POLR1E: variants seen among roughly 807,000 people sequenced by gnomAD.
POLR1E encodes the protein DNA-directed RNA polymerase I subunit RPA49.
A neutral mutation model predicts 50.9 loss-of-function variants in POLR1E; 37 were observed. The observed-to-expected ratio is 0.73, with a 90% confidence interval of 0.56 to 0.96. The LOEUF is 0.96. Ranked by LOEUF, POLR1E falls within the 40% of genes least tolerant of loss-of-function variation. The pLI is 0.00. For synonymous variants in POLR1E, 166 were observed against 191.6 expected, an observed-to-expected ratio of 0.87 and a Z score of 1.10; for missense variants, 426 against 518.1, an observed-to-expected ratio of 0.82 and a Z score of 1.73.
chr9:37,491,876 C>T (rs1820691408), intron 4 of POLR1E, among the ~76,000 whole-genome samples: 2 of 152,184 alleles, frequency 1.3e-5, no homozygotes, highest in African/African-American at 4.8e-5. Flanking sequence ...CATCTTCCAA[C>T]TGTTCTTGTA....
intron 3 of POLR1E, among the ~76,000 whole-genome samples, chr9:37,489,054 C>T (rs950545295): frequency 1.8e-4 from 27 of 152,046 alleles, no homozygotes; most frequent in African/African-American, 6.3e-4. Flanking sequence ...GCCTGGACAA[C>T]ATGGTGAAAC....
rs1469519448 is a variant in POLR1E at position 37,485,959 on chromosome 9, C to A, written c.-89C>A. The A allele has an allele frequency of 1.7e-5, 25 of 1,508,204 alleles. No individual in the cohort carries two copies. The highest frequency in any genetic ancestry group is 2.3e-5 in the Non-Finnish European group (25 of 1,110,334). The allele number at this position is 1,508,204 out of a possible 1,614,324, so 93.4% of individuals were successfully genotyped here. On this transcript the variant is annotated 5_prime_UTR_variant, in exon 1 of 12. Transcript: ENST00000377798. ...CGGCGGGGCCACGCCTTTTCCGGCC[C>A]GCAGCGCGGCCTGGGCTCCCGCGTG...
At position 37,503,106 on chromosome 9, in the gene POLR1E, C is replaced by T. The variant is rs748335917; in HGVS notation, c.1164C>T (p.Ala388=). 1.2e-5 allele frequency: 20 copies of T among 1,613,904 alleles called. No homozygotes were observed. Among genetic ancestry groups the T allele is most frequent in the Admixed American group, 1.2e-4 (7 of 59,998 alleles). ...CCAAAAGAAGGGTGTCTGTGGCCGCCGGCAGTGAAGAAGATCACAAGCTGG... is the reference window on the plus strand; with the variant it reads ...CCAAAAGAAGGGTGTCTGTGGCCGCTGGCAGTGAAGAAGATCACAAGCTGG... ...KISKRRVSVA[A]GSEEDHKLGT... is the part of the protein sequence containing the mutation. Residue 388 remains alanine (A), a synonymous_variant, in exon 12 of 12, where the codon GCC becomes GCT. Coordinates refer to ENST00000377798, the MANE Select transcript of POLR1E (RefSeq NM_022490.4).
intron 2 of POLR1E, among the ~76,000 whole-genome samples, chr9:37,487,503 T>C (rs1315223143): frequency 6.6e-6 from 1 of 152,056 alleles, no homozygotes; most frequent in Non-Finnish European, 1.5e-5. Flanking sequence ...GTCCTGAGAG[T>C]ATACAAAGAA....
At position 37,495,900 on chromosome 9, in the gene POLR1E, T is replaced by C. The variant is rs1256800765; in HGVS notation, c.666T>C (p.Pro222=). The C allele has an allele frequency of 6.2e-7, 1 of 1,612,576 alleles. No individual in the cohort carries two copies. Among genetic ancestry groups the C allele is most frequent in the African/African-American group, 1.3e-5 (1 of 74,868 alleles). The part of the protein sequence containing the change: ...DVYKFEDLLS[P]AEYEALQSPS... ...TTGACCTGTAACTAGTTCTTTCCCCTGCGGAGTATGAAGCTCTTCAGAGCC... is the reference window on the plus strand; with the variant it reads ...TTGACCTGTAACTAGTTCTTTCCCCCGCGGAGTATGAAGCTCTTCAGAGCC... Residue 222 remains proline, a synonymous_variant, in exon 8 of 12, where the codon CCT becomes CCC. Coordinates refer to ENST00000377798, the MANE Select transcript of POLR1E (RefSeq NM_022490.4).
intron 9 of POLR1E, among the ~76,000 whole-genome samples, chr9:37,499,904 G>A (rs950223150): frequency 4.0e-5 from 6 of 150,598 alleles, no homozygotes; most frequent in Non-Finnish European, 7.4e-5. Flanking sequence ...AGGCTGGAGT[G>A]CAGTGGCTCG....
rs1379338809 is a variant in POLR1E, at chr9:37,486,092, G to A, written c.45G>A (p.Gly15=). Residue 15 remains glycine (G), a synonymous_variant, in exon 1 of 12, where the codon GGG becomes GGA. Coordinates refer to ENST00000377798, the MANE Select transcript of POLR1E (RefSeq NM_022490.4). ...VLPSARWQYC[G]APDGSQRAVL... is the part of the protein sequence containing the mutation. ...CGAGTGCGAGGTGGCAGTATTGTGG[G>A]GCGCCCGACGGGAGCCAGAGAGCTG... is the stretch of plus-strand genomic sequence containing the variant. The A allele has an allele frequency of 1.2e-6, 2 of 1,602,434 alleles. No homozygotes were observed. Among genetic ancestry groups the A allele is most frequent in the African/African-American group, 1.3e-5 (1 of 75,008 alleles).
At chr9:37,497,900 C>G (rs551371400) in intron 8 of POLR1E, among the ~76,000 whole-genome samples, 191 bp from the exon 9 acceptor site, 3 of 152,170 alleles carry the variant, frequency 2.0e-5, no homozygotes, top group Non-Finnish European at 4.4e-5. Flanking sequence ...GTAGCTGGGA[C>G]CACACACATG....
At position 37,498,185 on chromosome 9, in the gene POLR1E, C is replaced by T; in HGVS notation, c.847C>T (p.Leu283Phe). Reference sequence around the variant, plus strand: ...CCGATGCATATGGTTTCTGGATACCCTCATCAAATTTCGAGCTCATAGGGT... The same window carrying T: ...CCGATGCATATGGTTTCTGGATACCTTCATCAAATTTCGAGCTCATAGGGT... ...QARCIWFLDT[L>F]IKFRAHRVVK... Residue 283 changes from leucine (L) to phenylalanine (F), a missense_variant, in exon 9 of 12, where the codon CTC (leucine) becomes TTC (phenylalanine). Physicochemically the swap from Leu to Phe is conservative, Grantham distance 22. Transcript: ENST00000377798. 6.2e-7 allele frequency: 1 copy of T among 1,614,016 alleles called. No homozygotes were observed. Among genetic ancestry groups the T allele is most frequent in the East Asian group, 2.2e-5 (1 of 44,882 alleles).
In POLR1E at chr9:37,485,996, G is replaced by C; in HGVS notation, c.-52G>C. On this transcript the variant is annotated 5_prime_UTR_variant, in exon 1 of 12. Transcript: ENST00000377798. ...TGGGCTCCCGCGTGTTTAAAAGTGC[G>C]CTTGTGGCTGCTGCTGTCTTAACTC... 1 of 1,568,944 alleles carries C rather than the reference G, an allele frequency of 6.4e-7. No individual in the cohort carries two copies. Among genetic ancestry groups the C allele is most frequent in the South Asian group, 1.2e-5 (1 of 85,402 alleles).
At position 37,495,643 on chromosome 9, in the gene POLR1E, C is replaced by T. The variant is rs78535770; in HGVS notation, c.656-247C>T. On this transcript the variant is annotated intron_variant, in intron 7 of 11. Transcript: ENST00000377798. ...TTAGAATTTCACCACCCAAGGGGTC[C>T]GGTCAGAAGGAAAATGCCTGCAGTG... Among the ~76,000 whole-genome samples the T allele has an allele frequency of 2.0e-3, 312 of 152,212 alleles. 1 individual carries two copies. Among genetic ancestry groups the T allele is most frequent in the East Asian group, 0.015 (76 of 5,190 alleles).
chr9:37,492,514 T>TA, intron 4 of POLR1E, 143 bp from the exon 5 acceptor site: 1 of 852,532 alleles, frequency 1.2e-6, no homozygotes, highest in Non-Finnish European at 1.9e-6. Flanking sequence ...ATATTCACAG[T>TA]ATACACTCAT....
chr9:37,503,362 A>G lies in POLR1E; in HGVS notation c.*160A>G. On this transcript the variant is annotated 3_prime_UTR_variant, in exon 12 of 12. Transcript: ENST00000377798. ...GGAGGCCGAGGCAGGAAGATCATTG[A>G]GCTCAGGAGTTTGAAACCAGTCTGG... The G allele has an allele frequency of 1.2e-6, 1 of 813,792 alleles. No individual in the cohort carries two copies. The allele number at this position is 813,792 out of a possible 1,614,324, so 50.4% of individuals were successfully genotyped here.
At chr9:37,487,783 A>G in intron 2 of POLR1E, 80 bp from the exon 3 acceptor site, 1 of 1,370,016 alleles carries the variant, frequency 7.3e-7, no homozygotes, top group East Asian at 2.3e-5. Context: ...CAAAAGCCTC[A>G]GCAAATGTAG....
chr9:37,486,547 C>T (rs887821445), intron 1 of POLR1E, 156 bp from the exon 2 acceptor site: 23 of 1,583,814 alleles, frequency 1.5e-5, no homozygotes, highest in Non-Finnish European at 1.8e-5. Context: ...CAGCTGGCCC[C>T]GGATCTCCTC....
chr9:37,498,991 A>G (rs1387735517), intron 9 of POLR1E, among the ~76,000 whole-genome samples: 1 of 152,232 alleles, frequency 6.6e-6, no homozygotes, highest in African/African-American at 2.4e-5. Flanking sequence ...CACCTAGGCT[A>G]TATGCTATAA....
intron 10 of POLR1E, 68 bp from the exon 11 acceptor site, chr9:37,501,645 A>G (rs1820889689): frequency 1.9e-6 from 3 of 1,545,078 alleles, no homozygotes; most frequent in Non-Finnish European, 2.6e-6. Flanking sequence ...GGATGTTCTT[A>G]TTTTGCTTTT....
At chr9:37,496,443 T>G (rs1193925384) in intron 8 of POLR1E, among the ~76,000 whole-genome samples, 7 of 152,004 alleles carry the variant, frequency 4.6e-5, no homozygotes, top group Admixed American at 4.6e-4. Flanking sequence ...TCCTTCTCCC[T>G]CCCCTTTCCC....
intron 1 of POLR1E, 45 bp downstream of exon 1, chr9:37,486,168 C>T (rs576305630): frequency 2.6e-6 from 4 of 1,535,060 alleles, no homozygotes; most frequent in East Asian, 2.4e-5. Context: ...ACCCTCTCCC[C>T]TTCCGTCTCG....
Sources: gnomAD v4.1 joint callset for allele counts (sites outside exome capture counted in the v4.1 genomes callset) on GRCh38, gnomAD v4.1.1 for gene constraint, MANE v1.5 for transcripts, NCBI Gene and HGNC (gene_info 2026-07-23, HGNC 2026-07-21) for gene names.